GTF3A: variants seen among roughly 807,000 people sequenced by gnomAD.
The protein encoded by GTF3A is transcription factor IIIA.
In GTF3A, 40 loss-of-function variants were observed where a neutral mutation model predicts 37.6. The observed-to-expected ratio is 1.06, with a 90% CI of 0.83 to 1.38. GTF3A has a LOEUF of 1.38. GTF3A is among the 40% of genes most tolerant of loss of function. The pLI is 0.00. For missense variants in GTF3A, 500 were observed against 462.6 expected (o/e 1.08, Z -0.74); for synonymous variants, 191 against 166.7 (o/e 1.15, Z -1.12).
chr13:27,432,751 G>C lies in GTF3A; in HGVS notation c.509G>C (p.Gly170Ala), dbSNP rs1307235540. Residue 170 changes from glycine (G) to alanine (A), a missense_variant, in exon 5 of 9, where the codon GGG (glycine) becomes GCG (alanine). By Grantham distance (60) the Gly-to-Ala change is moderately conservative. Coordinates refer to ENST00000381140, the MANE Select transcript of GTF3A (RefSeq NM_002097.3). ...TGCAGGTGTACCCAGGAAGGATGTGGGAAACACTTTGCATCACCCAGCAAG... is the reference window on the plus strand; with the variant it reads ...TGCAGGTGTACCCAGGAAGGATGTGCGAAACACTTTGCATCACCCAGCAAG... 1 of 1,606,040 alleles carries C rather than the reference G, an allele frequency of 6.2e-7. No homozygotes were observed.
At chr13:27,434,299 G>A in intron 6 of GTF3A, 80 bp downstream of exon 6, 1 of 763,154 alleles carries the variant, frequency 1.3e-6, no homozygotes, top group Non-Finnish European at 2.4e-6. Context: ...AGAGTGAAAT[G>A]CTGTGTGCTT....
chr13:27,435,459 T>A lies in GTF3A; in HGVS notation c.960T>A (p.Ser320Arg), dbSNP rs768397430. The stretch of plus-strand genomic sequence containing the variant: ...TCAAAAAATCTCGTGAAAAACGGAG[T>A]TTGGCCTCTCATCTCAGTGGATATA... The change falls in exon 9 of 9, where the codon AGT becomes AGA. Residue 320 changes from serine (S) to arginine (R), a missense_variant. Coordinates refer to ENST00000381140, the MANE Select transcript of GTF3A (RefSeq NM_002097.3). The A allele has an allele frequency of 2.3e-5, 37 of 1,613,016 alleles. No individual in the cohort carries two copies. Among genetic ancestry groups the A allele is most frequent in the Middle Eastern group, 1.6e-4 (1 of 6,084 alleles).
Position 27,435,535 on chromosome 13 carries a change from G to A in GTF3A, c.1036G>A (p.Glu346Lys). The stretch of plus-strand genomic sequence containing the variant: ...AGGCTTATCTTTGTGTCAAAACGGA[G>A]AGTCACCCAACTGTGTGGAAGACAA... Residue 346 changes from glutamate to lysine, a missense_variant, in exon 9 of 9, where the codon GAG becomes AAG. Glu to Lys is a moderately conservative substitution (Grantham distance 56, BLOSUM62 1). Transcript: ENST00000381140. The A allele has an allele frequency of 6.2e-7, 1 of 1,613,380 alleles. No individual in the cohort carries two copies. Among genetic ancestry groups the A allele is most frequent in the Non-Finnish European group, 8.5e-7 (1 of 1,179,388 alleles).
At chr13:27,424,982 G>C in intron 1 of GTF3A, 44 bp downstream of exon 1, 2 of 1,439,628 alleles carry the variant, frequency 1.4e-6, no homozygotes, top group South Asian at 2.5e-5. Context: ...GGGATGGCGC[G>C]TGGCCCCGGG....
In GTF3A at chr13:27,424,856, T is replaced by C. The variant is rs1324386230; in HGVS notation, c.119T>C (p.Phe40Ser). The C allele has an allele frequency of 9.0e-6, 14 of 1,550,260 alleles. No homozygotes were observed. The highest frequency in any genetic ancestry group is 1.2e-5 in the Non-Finnish European group (14 of 1,146,458). The stretch of plus-strand genomic sequence containing the variant: ...CCGCGCCCCGCGCTTCCCAGGAGGT[T>C]CATCTGCTCCTTCCCTGACTGCAGC... Residue 40 changes from phenylalanine to serine, a missense_variant, in exon 1 of 9, where the codon TTC becomes TCC. By Grantham distance (155) the Phe-to-Ser change is radical. Coordinates refer to ENST00000381140, the MANE Select transcript of GTF3A (RefSeq NM_002097.3).
chr13:27,435,274 C>T (rs1953701542), intron 8 of GTF3A, 82 bp downstream of exon 8: 8 of 1,331,548 alleles, frequency 6.0e-6, no homozygotes, highest in Non-Finnish European at 7.4e-6. Flanking sequence ...GAATTCTTTT[C>T]ACCTGCTTTA....
At chr13:27,435,111 A>G (rs1240601087) in intron 7 of GTF3A, 22 bp from the exon 8 acceptor site, 16 of 1,598,184 alleles carry the variant, frequency 1.0e-5, no homozygotes, top group Non-Finnish European at 1.4e-5. Context: ...TATTTCATTA[A>G]TAACTTTCTC....
Position 27,424,886 on chromosome 13 carries a change from A to G in GTF3A, c.149A>G (p.Asn50Ser), listed in dbSNP as rs568292644. ...TGCTCCTTCCCTGACTGCAGCGCCA[A>G]TTACAGCAAAGCCTGGAAGCTTGAC... The change falls in exon 1 of 9, where the codon AAT becomes AGT. Residue 50 changes from asparagine (N) to serine (S), a missense_variant. Coordinates refer to ENST00000381140, the MANE Select transcript of GTF3A (RefSeq NM_002097.3). The G allele has an allele frequency of 3.9e-5, 60 of 1,549,922 alleles. No homozygotes were observed. The South Asian group carries it at 6.4e-4, about 17-fold the overall frequency.
rs1953685336 is a variant in GTF3A, at chr13:27,434,125, A to G, written c.563-14A>G. On this transcript the variant is annotated splice_polypyrimidine_tract_variant and intron_variant, in intron 5 of 8. Coordinates refer to ENST00000381140, the MANE Select transcript of GTF3A (RefSeq NM_002097.3). ...GAGTATTCATGACAGACAATGCACCAATTTTTTTAATAGGCTATGTATGTC... is the reference window on the plus strand; with the variant it reads ...GAGTATTCATGACAGACAATGCACCGATTTTTTTAATAGGCTATGTATGTC... The G allele has an allele frequency of 1.9e-6, 2 of 1,029,282 alleles. No homozygotes were observed. Among genetic ancestry groups the G allele is most frequent in the African/African-American group, 1.6e-5 (1 of 63,938 alleles). 63.8% of individuals were successfully genotyped at this position (1,029,282 alleles called of 1,614,324 possible).
chr13:27,435,307 T>TG, intron 8 of GTF3A, 115 bp downstream of exon 8: 4 of 1,268,542 alleles, frequency 3.2e-6, no homozygotes, highest in Non-Finnish European at 4.5e-6. Flanking sequence ...GCACTACTGT[T>TG]GAAGACTTTA....
At position 27,424,672 on chromosome 13, in the gene GTF3A, C is replaced by A. The variant is rs571068536; in HGVS notation, c.-66C>A. On this transcript the variant is annotated 5_prime_UTR_variant, in exon 1 of 9. Transcript: ENST00000381140. Reference sequence around the variant, plus strand: ...GCAGGGAGCCGTGGGCCGGGCGCGCCGGTTCCCGGCACGTGTCTCGGCACG... The same window carrying A: ...GCAGGGAGCCGTGGGCCGGGCGCGCAGGTTCCCGGCACGTGTCTCGGCACG... The A allele has an allele frequency of 2.3e-4, 282 of 1,213,498 alleles. 2 individuals are homozygous for A. The South Asian group carries it at 5.3e-3, about 23-fold the overall frequency. 75.2% of individuals were successfully genotyped at this position (1,213,498 alleles called of 1,614,324 possible).
At chr13:27,432,676 A>C in intron 4 of GTF3A, 55 bp from the exon 5 acceptor site, 1 of 1,418,576 alleles carries the variant, frequency 7.0e-7, no homozygotes, top group Non-Finnish European at 9.8e-7. Flanking sequence ...ATTGACCTTG[A>C]GCGGAGTTCT....
chr13:27,426,946 G>C, intron 1 of GTF3A, 146 bp from the exon 2 acceptor site: 1 of 578,726 alleles, frequency 1.7e-6, no homozygotes, highest in Non-Finnish European at 3.1e-6. Context: ...GGAACACTGC[G>C]TCTTGCAGTG....
chr13:27,435,334 T>C, intron 8 of GTF3A, 99 bp from the exon 9 acceptor site: 1 of 1,321,904 alleles, frequency 7.6e-7, no homozygotes, highest in African/African-American at 1.5e-5. Flanking sequence ...CATAAAGCAA[T>C]GTTGTACACT....
chr13:27,434,336 T>C (rs983211611), intron 6 of GTF3A, 117 bp downstream of exon 6: 6 of 707,994 alleles, frequency 8.5e-6, no homozygotes, highest in East Asian at 7.4e-5. Flanking sequence ...CTCTATGATA[T>C]TTTGTGAAGT....
At chr13:27,434,083 T>C (rs1011126008) in intron 5 of GTF3A, 56 bp from the exon 6 acceptor site, 4 of 766,252 alleles carry the variant, frequency 5.2e-6, no homozygotes, top group Non-Finnish European at 9.6e-6. Flanking sequence ...TTTCTAGTTA[T>C]GGTCAGTGTT....
Position 27,424,805 on chromosome 13 carries a change from C to T in GTF3A, c.68C>T (p.Ala23Val), listed in dbSNP as rs1265162489. The change falls in exon 1 of 9, where the codon GCC becomes GTC. Residue 23 changes from alanine to valine, a missense_variant. Coordinates refer to ENST00000381140, the MANE Select transcript of GTF3A (RefSeq NM_002097.3). ...ACCATCGCCGACGCGTTCATTGCAG[C>T]CGGCGAGAGCTCAGCTCCGACCCCG... 3 of 1,545,222 alleles carry T rather than the reference C, an allele frequency of 1.9e-6. No homozygotes were observed. The highest frequency in any genetic ancestry group is 2.6e-6 in the Non-Finnish European group (3 of 1,144,812).
chr13:27,425,029 G>A (rs1953592326), intron 1 of GTF3A, 91 bp downstream of exon 1: 1 of 864,700 alleles, frequency 1.2e-6, no homozygotes. Context: ...CGCAGGCCCC[G>A]CTGTGCAGCG....
At chr13:27,429,377 C>T (rs1332585558) in intron 2 of GTF3A, 1 of 149,270 alleles carries the variant, frequency 6.7e-6, no homozygotes, top group Non-Finnish European at 1.5e-5. Context: ...ATAAGGGGAA[C>T]CAGAATGGCT....
Sources: gnomAD v4.1 joint callset for allele counts on GRCh38, gnomAD v4.1.1 for gene constraint, MANE v1.5 for transcripts, NCBI Gene and HGNC (gene_info 2026-07-23, HGNC 2026-07-21) for gene names.